DGKD: variants seen among roughly 807,000 people sequenced by gnomAD.
The protein encoded by DGKD is diacylglycerol kinase delta, also known as DAG kinase delta.
In DGKD, 68 loss-of-function variants were observed where a neutral mutation model predicts 154.4. That is an observed-to-expected ratio of 0.44 (90% CI 0.36 to 0.54). The LOEUF (loss-of-function observed/expected upper bound fraction) is 0.54, where lower values mean the gene tolerates loss of function less well. DGKD is among the 20% of genes least tolerant of loss of function. The pLI, the probability that DGKD is intolerant of heterozygous loss-of-function variation, is 0.00. For missense variants in DGKD, 1,343 were observed against 1,593.6 expected, an observed-to-expected ratio of 0.84 and a Z score of 2.68; for synonymous variants, 693 against 638.0, an observed-to-expected ratio of 1.09 and a Z score of -1.30.
rs377199354 is a variant in DGKD at position 233,388,360 on chromosome 2, C to T, written c.260C>T (p.Thr87Met). 8 of 1,612,554 alleles carry T rather than the reference C, an allele frequency of 5.0e-6. No individual in the cohort carries two copies. Among genetic ancestry groups the T allele is most frequent in the African/African-American group, 1.3e-5 (1 of 74,822 alleles). ...GGGCGAACGCTTTACTATGCCAAAA[C>T]GGCAAAGGTGAGGCCCCATGCAGGA... is the stretch of plus-strand genomic sequence containing the variant. ...LRGRTLYYAKTAKSIIFDEVD... is the reference protein window; with the variant it reads ...LRGRTLYYAKMAKSIIFDEVD... Residue 87 changes from threonine to methionine, a missense_variant, in exon 2 of 30, where the codon ACG becomes ATG. Coordinates refer to ENST00000264057, the MANE Select transcript of DGKD (RefSeq NM_152879.3).
At chr2:233,469,322 G>T in intron 29 of DGKD, 49 bp from the exon 30 acceptor site, 2 of 1,528,154 alleles carry the variant, frequency 1.3e-6, no homozygotes, top group East Asian at 2.4e-5. Context: ...GGAGCCCTCT[G>T]GCCCTGGCTG....
chr2:233,355,308 G>T (rs757218878), intron 1 of DGKD, among the ~76,000 whole-genome samples: 2 of 152,240 alleles, frequency 1.3e-5, no homozygotes, highest in Non-Finnish European at 2.9e-5. Flanking sequence ...AACTCCTGAC[G>T]CTAAATGTTA....
intron 9 of DGKD, among the ~76,000 whole-genome samples, chr2:233,439,587 G>C (rs1223090214): frequency 6.6e-6 from 1 of 152,154 alleles, no homozygotes; most frequent in Non-Finnish European, 1.5e-5. Flanking sequence ...TTTGAGACAA[G>C]AGTCTTGCTA....
intron 3 of DGKD, among the ~76,000 whole-genome samples, chr2:233,398,499 G>A (rs2061478872): frequency 6.6e-6 from 1 of 151,984 alleles, no homozygotes; most frequent in East Asian, 1.9e-4. Flanking sequence ...TTCCCTCCAG[G>A]GAAAGATTTT....
chr2:233,443,008 G>A (rs944965207), intron 10 of DGKD, among the ~76,000 whole-genome samples: 1 of 152,180 alleles, frequency 6.6e-6, no homozygotes, highest in Middle Eastern at 3.2e-3. Context: ...ACACCCGGGA[G>A]CCCAGGGCCA....
chr2:233,442,878 A>G (rs1022786971), intron 10 of DGKD, among the ~76,000 whole-genome samples: 66 of 152,198 alleles, frequency 4.3e-4, no homozygotes, highest in Non-Finnish European at 1.6e-4. Context: ...TGCTGGGATT[A>G]CAGGCATGAG....
chr2:233,409,822 A>G (rs963772933), intron 3 of DGKD, among the ~76,000 whole-genome samples: 26 of 95,784 alleles, frequency 2.7e-4, no homozygotes, highest in African/African-American at 1.1e-3. Context: ...TTTTTAAGAC[A>G]GGAGGAGGAC....
chr2:233,429,047 A>G, intron 3 of DGKD: 1 of 852,090 alleles, frequency 1.2e-6, no homozygotes, highest in Non-Finnish European at 1.4e-6. Flanking sequence ...GCTTTTGTCT[A>G]TAATTTGCTG....
At chr2:233,451,565 T>TA (rs2063294108) in intron 17 of DGKD, among the ~76,000 whole-genome samples, 1 of 151,470 alleles carries the variant, frequency 6.6e-6, no homozygotes, top group Admixed American at 6.6e-5. Context: ...ACTGACTCTA[T>TA]AAGCCTTTTT....
At chr2:233,409,514 T>G (rs890488227) in intron 3 of DGKD, among the ~76,000 whole-genome samples, 1 of 152,084 alleles carries the variant, frequency 6.6e-6, no homozygotes, top group African/African-American at 2.4e-5. Context: ...CTGGTTTTTT[T>G]TTTTCCTTGA....
At chr2:233,383,407 C>CT (rs1330286399) in intron 1 of DGKD, among the ~76,000 whole-genome samples, 2 of 152,116 alleles carry the variant, frequency 1.3e-5, no homozygotes, top group Admixed American at 1.3e-4. Flanking sequence ...AGTAGTGTAC[C>CT]TTTTTTTCCC....
intron 27 of DGKD, among the ~76,000 whole-genome samples, chr2:233,466,849 A>AGT (rs2063838128): frequency 6.6e-6 from 1 of 152,278 alleles, no homozygotes; most frequent in Non-Finnish European, 1.5e-5. Context: ...AAGTGAAGGA[A>AGT]GTAGAATATG....
chr2:233,447,849 C>G (rs1389271027), intron 12 of DGKD: 1 of 1,351,588 alleles, frequency 7.4e-7, no homozygotes, highest in Non-Finnish European at 9.5e-7. Context: ...GAAGGAGATT[C>G]ATTTGCAGTT....
intron 3 of DGKD, among the ~76,000 whole-genome samples, chr2:233,406,280 GT>G (rs781694763): frequency 6.2e-4 from 95 of 152,170 alleles, no homozygotes; most frequent in Non-Finnish European, 1.1e-3. Flanking sequence ...TGCAAAGACT[GT>G]TTTTCTAAAT....
chr2:233,434,864 T>C lies in DGKD; in HGVS notation c.549T>C (p.Ala183=). 1 of 1,614,188 alleles carries C rather than the reference T, an allele frequency of 6.2e-7. No homozygotes were observed. Among genetic ancestry groups the C allele is most frequent in the South Asian group, 1.1e-5 (1 of 91,080 alleles). ...RPTYCNVCRE[A]LSGVTSHGLS... ...CCTACTGCAATGTGTGCCGTGAGGC[T>C]CTGTCTGGGGTCACGTCGCACGGGC... The change falls in exon 5 of 30, where the codon GCT becomes GCC. Residue 183 remains alanine, a synonymous_variant. Coordinates refer to ENST00000264057, the MANE Select transcript of DGKD (RefSeq NM_152879.3).
chr2:233,434,868 T>C lies in DGKD; in HGVS notation c.553T>C (p.Ser185Pro). 6.2e-7 allele frequency: 1 copy of C among 1,614,164 alleles called. No individual in the cohort carries two copies. The highest frequency in any genetic ancestry group is 8.5e-7 in the Non-Finnish European group (1 of 1,180,030). ...CTGCAATGTGTGCCGTGAGGCTCTG[T>C]CTGGGGTCACGTCGCACGGGCTGTC... is the stretch of plus-strand genomic sequence containing the variant. The part of the protein sequence containing the change: ...TYCNVCREAL[S>P]GVTSHGLSCE... Residue 185 changes from serine to proline, a missense_variant, in exon 5 of 30, where the codon TCT becomes CCT. By Grantham distance (74) the Ser-to-Pro change is moderately conservative. Coordinates refer to ENST00000264057, the MANE Select transcript of DGKD (RefSeq NM_152879.3).
intron 3 of DGKD, among the ~76,000 whole-genome samples, chr2:233,401,792 C>T (rs889952237): frequency 3.3e-5 from 5 of 151,496 alleles, no homozygotes; most frequent in Admixed American, 6.6e-5. Flanking sequence ...TGGTGGCGGG[C>T]GCCTGTAATC....
chr2:233,413,398 AT>A (rs879335750), intron 3 of DGKD, among the ~76,000 whole-genome samples: 257 of 143,640 alleles, frequency 1.8e-3, no homozygotes, highest in Middle Eastern at 7.4e-3. Context: ...ATACCCTGTG[AT>A]TTTTTTTTTT....
chr2:233,395,880 A>G (rs892017969), intron 3 of DGKD, among the ~76,000 whole-genome samples: 6 of 151,992 alleles, frequency 3.9e-5, no homozygotes, highest in Admixed American at 1.3e-4. Flanking sequence ...GCCAGCCCAT[A>G]TGGTGACATC....
Sources: allele counts gnomAD v4.1 joint callset (sites outside exome capture counted in the v4.1 genomes callset), GRCh38; gene constraint gnomAD v4.1.1; transcripts MANE v1.5; gene names NCBI Gene and HGNC (gene_info 2026-07-23, HGNC 2026-07-21).